The following CD4 variants were observed in gnomAD, a reference collection of about 807,000 sequenced individuals.
CD4 encodes T-cell surface glycoprotein CD4.
Under a neutral mutation model 50.5 loss-of-function variants are expected in CD4, and 25 were observed. That is an observed-to-expected ratio of 0.49 (90% CI 0.36 to 0.69). CD4 has a LOEUF of 0.69. Ranked by LOEUF, CD4 falls within the 30% of genes least tolerant of loss-of-function variation. The pLI is 0.00. For synonymous variants in CD4, 207 were observed against 221.9 expected, an observed-to-expected ratio of 0.93 and a Z score of 0.60; for missense variants, 456 against 548.5, an observed-to-expected ratio of 0.83 and a Z score of 1.68.
chr12:6,819,215 C>T (rs782034289), intron 9 of CD4, 84 bp from the exon 10 acceptor site: 54 of 1,355,982 alleles, frequency 4.0e-5, no homozygotes, highest in East Asian at 1.6e-4. Flanking sequence ...AGCTGTGCTG[C>T]GCTGGAAAGG....
intron 1 of CD4, among the ~76,000 whole-genome samples, chr12:6,793,262 A>C (rs891951475): frequency 6.6e-5 from 10 of 152,282 alleles, no homozygotes; most frequent in Admixed American, 5.2e-4. Context: ...CCTCAGGACC[A>C]TGGAGCTGGG....
intron 3 of CD4, among the ~76,000 whole-genome samples, chr12:6,811,899 T>C (rs1303262369): frequency 3.9e-5 from 6 of 152,152 alleles, no homozygotes; most frequent in African/African-American, 1.4e-4. Context: ...AACTTTGAAC[T>C]CCTGGGCTCA....
intron 1 of CD4, among the ~76,000 whole-genome samples, chr12:6,794,711 T>C (rs151124156): frequency 9.2e-5 from 14 of 151,728 alleles, no homozygotes; most frequent in African/African-American, 2.9e-4. Context: ...CTAATCTAAT[T>C]CATCTATTTT....
At position 6,814,751 on chromosome 12, in the gene CD4, C is replaced by G; in HGVS notation, c.374-8C>G. 8 of 1,609,978 alleles carry G rather than the reference C, an allele frequency of 5.0e-6. No homozygotes were observed. Among genetic ancestry groups the G allele is most frequent in the Non-Finnish European group, 6.8e-6 (8 of 1,176,414 alleles). On this transcript the variant is annotated splice_region_variant and splice_polypyrimidine_tract_variant and intron_variant, in intron 4 of 9. Transcript: ENST00000011653. ...TGTGTGTGACACAGCTGGCCTTTCC[C>G]TCCACAGTGACTGCCAACTCTGACA... is the stretch of plus-strand genomic sequence containing the variant.
intron 3 of CD4, among the ~76,000 whole-genome samples, chr12:6,812,418 G>A (rs996305815): frequency 1.4e-4 from 22 of 152,096 alleles, no homozygotes; most frequent in African/African-American, 4.6e-4. Context: ...GGTGGCTCAC[G>A]CCTGTAACCC....
At chr12:6,794,976 G>A (rs188921703) in intron 1 of CD4, among the ~76,000 whole-genome samples, 13 of 151,020 alleles carry the variant, frequency 8.6e-5, no homozygotes, top group African/African-American at 2.7e-4. Context: ...TAGTAGAGAA[G>A]GGTTTCACCA....
At chr12:6,791,741 G>A (rs1275349174) in intron 1 of CD4, among the ~76,000 whole-genome samples, 2 of 152,196 alleles carry the variant, frequency 1.3e-5, no homozygotes, top group Non-Finnish European at 2.9e-5. Flanking sequence ...AGTTAGCTGG[G>A]CATGGTAGTG....
intron 1 of CD4, among the ~76,000 whole-genome samples, chr12:6,791,768 G>A (rs1471146223): frequency 6.6e-6 from 1 of 152,184 alleles, no homozygotes; most frequent in Non-Finnish European, 1.5e-5. Flanking sequence ...TGTGGTTCCA[G>A]CTACTTGGGA....
At position 6,796,118 on chromosome 12, in the gene CD4, A is replaced by G. The variant is rs28917474; in HGVS notation, c.-67-3954A>G. On this transcript the variant is annotated intron_variant, in intron 1 of 9. Transcript: ENST00000011653. ...CAATTCAATTTGGCTTAAGTTAGCC[A>G]AAGCCATACCAAGTCCTCTCTCTAT... Among the ~76,000 whole-genome samples, 455 of 152,378 alleles carry G rather than the reference A, an allele frequency of 3.0e-3. 2 individuals are homozygous for G. Among genetic ancestry groups the G allele is most frequent in the African/African-American group, 0.01 (419 of 41,586 alleles).
In CD4 at chr12:6,808,502, T is replaced by A. The variant is rs564158789; in HGVS notation, c.215-5640T>A. ...AAAAAAGTGAAGTTTACCTTTTTTT[T>A]TAAATTTTTCTTCTTTTCCTTCCCT... On this transcript the variant is annotated intron_variant, in intron 3 of 9. Coordinates refer to ENST00000011653, the MANE Select transcript of CD4 (RefSeq NM_000616.5). 5.8e-4 allele frequency among the ~76,000 whole-genome samples: 87 copies of A among 150,988 alleles called. No individual in the cohort carries two copies. In the East Asian group the frequency reaches 8.5e-3, roughly 15 times the overall value.
intron 3 of CD4, among the ~76,000 whole-genome samples, chr12:6,802,325 T>C (rs1942589591): frequency 6.6e-6 from 1 of 151,806 alleles, no homozygotes; most frequent in African/African-American, 2.4e-5. Context: ...CAATCTTTTT[T>C]TTTTTTTTTC....
chr12:6,819,324 A>T lies in CD4; in HGVS notation c.1372A>T (p.Ile458Phe). 1 of 1,614,054 alleles carries T rather than the reference A, an allele frequency of 6.2e-7. No individual in the cohort carries two copies. Among genetic ancestry groups the T allele is most frequent in the East Asian group, 2.2e-5 (1 of 44,872 alleles). Reference protein sequence around the residue: ...PHRFQKTCSPI With the variant: ...PHRFQKTCSPF ...CCGGTTTCAGAAGACATGTAGCCCC[A>T]TTTGAGGCACGAGGCCAGGCAGATC... The change falls in exon 10 of 10, where the codon ATT (isoleucine) becomes TTT (phenylalanine). Residue 458 changes from isoleucine to phenylalanine, a missense_variant. Ile to Phe is a conservative substitution (Grantham distance 21, BLOSUM62 0). Transcript: ENST00000011653.
chr12:6,807,174 CAA>C (rs61258399), intron 3 of CD4, among the ~76,000 whole-genome samples: 15,595 of 31,062 alleles, frequency 0.5, 1,430 homozygotes, highest in African/African-American at 0.55. Flanking sequence ...CTCAAAAAAA[CAA>C]AAACAAACAA....
chr12:6,818,818 T>C lies in CD4; in HGVS notation c.1279-29T>C, dbSNP rs782698714. ...CCTCCCTTCTGGAGGCCTGGGACCC[T>C]CGTGACTCCCTTTCTTGTCCCTGGA... On this transcript the variant is annotated intron_variant, in intron 8 of 9. Transcript: ENST00000011653. The surrounding 1 kb of genome is among the most constrained non-coding windows in gnomAD (Gnocchi z 5.0). 4 of 1,603,988 alleles carry C rather than the reference T, an allele frequency of 2.5e-6. No individual in the cohort carries two copies. The highest frequency in any genetic ancestry group is 3.4e-6 in the Non-Finnish European group (4 of 1,170,746).
Position 6,818,006 on chromosome 12 carries a change from TCACGCACACACATTCATA to T in CD4, c.1157-404_1157-387del, listed in dbSNP as rs1413507311. On this transcript the variant is annotated intron_variant, in intron 7 of 9. Coordinates refer to ENST00000011653, the MANE Select transcript of CD4 (RefSeq NM_000616.5). The surrounding 1 kb of genome is among the most constrained non-coding windows in gnomAD (Gnocchi z 5.0). ...CACACGCGCGCGCACATGCATGCAG[TCACGCACACACATTCATA>T]CACGCACACAGGCACACATTCACAC... Among the ~76,000 whole-genome samples the T allele has an allele frequency of 1.3e-5, 2 of 149,492 alleles. No homozygotes were observed. Among genetic ancestry groups the T allele is most frequent in the African/African-American group, 5.0e-5 (2 of 40,378 alleles).
intron 9 of CD4, 23 bp from the exon 10 acceptor site, chr12:6,819,275 TC>T: frequency 6.2e-7 from 1 of 1,613,890 alleles, no homozygotes; most frequent in East Asian, 2.2e-5. Context: ...ACAGACCTGC[TC>T]CCCTTCTTCT....
chr12:6,805,598 G>T (rs1396835645), intron 3 of CD4, among the ~76,000 whole-genome samples: 1 of 151,456 alleles, frequency 6.6e-6, no homozygotes, highest in Non-Finnish European at 1.5e-5. Context: ...GCATTGAATT[G>T]TATGCTAAAA....
At chr12:6,808,248 A>G (rs1555116522) in intron 3 of CD4, among the ~76,000 whole-genome samples, 1 of 176 alleles carries the variant, frequency 5.7e-3, no homozygotes, top group Non-Finnish European at 0.012. Flanking sequence ...AGGTCAGGAG[A>G]TTGAGCCACT....
intron 3 of CD4, 27 bp from the exon 4 acceptor site, chr12:6,814,115 C>A (rs189393108): frequency 2.8e-5 from 45 of 1,598,220 alleles, no homozygotes; most frequent in East Asian, 6.7e-5. Context: ...GCGCCTCAGT[C>A]CCCCCCCATA....
Sources: gnomAD v4.1 joint callset for allele counts (sites outside exome capture counted in the v4.1 genomes callset) on GRCh38, gnomAD v4.1.1 for gene constraint, Gnocchi (gnomAD v3.1) non-coding constraint, MANE v1.5 for transcripts, NCBI Gene and HGNC (gene_info 2026-07-23, HGNC 2026-07-21) for gene names.